Variants in CTSB observed in about 807,000 individuals in gnomAD.
The protein encoded by CTSB is APP secretase.
A neutral mutation model predicts 44.3 loss-of-function variants in CTSB; 57 were observed. The observed-to-expected ratio is 1.29, with a 90% CI of 1.04 to 1.60. The LOEUF (loss-of-function observed/expected upper bound fraction) is 1.60. Among genes scored for constraint, CTSB ranks in the 40% most tolerant of loss-of-function variants. The probability of loss-of-function intolerance (pLI) is 0.00; values close to 1 mark genes in which losing one functional copy is unlikely to be tolerated. For synonymous variants in CTSB, 320 were observed against 168.0 expected (o/e 1.91, Z -7.00); for missense variants, 768 against 443.0 (o/e 1.73, Z -6.59).
Position 11,845,801 on chromosome 8 carries a change from A to G in CTSB, c.794-12T>C, listed in dbSNP as rs2130984042. 1 of 1,608,598 alleles carries G rather than the reference A, an allele frequency of 6.2e-7. No individual in the cohort carries two copies. The highest frequency in any genetic ancestry group is 1.3e-5 in the African/African-American group (1 of 74,926). ...GTGTTGGTACACTCCTGAAAAGGGA[A>G]GAACTGGCTGAGACCGAGACCGGGC... On this transcript the variant is annotated splice_polypyrimidine_tract_variant and intron_variant, in intron 8 of 9. Transcript: ENST00000353047.
chr8:11,859,865 G>C (rs1445761233), intron 1 of CTSB, among the ~76,000 whole-genome samples: 4 of 150,982 alleles, frequency 2.6e-5, no homozygotes, highest in African/African-American at 9.7e-5. Context: ...ACGAGGTCAG[G>C]AGTTCAAGAC....
In CTSB at chr8:11,844,772, C is replaced by G. The variant is rs1803352; in HGVS notation, c.*353G>C. The stretch of plus-strand genomic sequence containing the variant: ...CTGGGGGAACTGATGGGGGAACTTT[C>G]ATCCTGTTAGGAACTCCGCTTTCCA... On this transcript the variant is annotated 3_prime_UTR_variant, in exon 10 of 10. Coordinates refer to ENST00000353047, the MANE Select transcript of CTSB (RefSeq NM_001908.5). 5 of 211,482 alleles carry G rather than the reference C, an allele frequency of 2.4e-5. No individual in the cohort carries two copies. The East Asian group carries it at 4.3e-4, about 18-fold the overall frequency. The allele number at this position is 211,482 out of a possible 1,614,324, so 13.1% of individuals were successfully genotyped here. A position where few individuals can be genotyped will look rare whatever the true frequency, so the allele number is the denominator to read the frequency against.
chr8:11,847,995 C>A (rs571854383), intron 6 of CTSB, 72 bp downstream of exon 6: 4 of 1,414,464 alleles, frequency 2.8e-6, no homozygotes, highest in Admixed American at 3.8e-5. Context: ...TTTATAAAGG[C>A]AAATAAAGCC....
intron 1 of CTSB, among the ~76,000 whole-genome samples, chr8:11,863,345 G>C (rs1816689021): frequency 6.6e-6 from 1 of 151,928 alleles, no homozygotes; most frequent in African/African-American, 2.4e-5. Context: ...TGTAATCCCA[G>C]CTACTCAGGG....
chr8:11,858,925 T>C (rs1815950960), intron 1 of CTSB, among the ~76,000 whole-genome samples: 1 of 152,190 alleles, frequency 6.6e-6, no homozygotes, highest in African/African-American at 2.4e-5. Flanking sequence ...TCTGCTCTGC[T>C]TCTTACAAGA....
chr8:11,849,242 A>AG lies in CTSB; in HGVS notation c.328-79dup, dbSNP rs550842975. 673 of 1,132,106 alleles carry AG rather than the reference A, an allele frequency of 5.9e-4. 6 individuals carry two copies. In the East Asian group the frequency reaches 0.015, roughly 25 times the overall value. 70.1% of individuals were successfully genotyped at this position (1,132,106 alleles called of 1,614,324 possible). ...TGCAGCAGTCCCCTCAAAGGGCCAC[A>AG]GGGGCACCTCAGACCTTGTAGGCAA... On this transcript the variant is annotated intron_variant, in intron 4 of 9. Transcript: ENST00000353047.
Position 11,844,827 on chromosome 8 carries a change from A to G in CTSB, c.*298T>C, listed in dbSNP as rs946887158. The G allele has an allele frequency of 2.5e-4, 89 of 357,886 alleles. No homozygotes were observed. In the East Asian group the frequency reaches 4.0e-3, roughly 16 times the overall value. 22.2% of individuals were successfully genotyped at this position (357,886 alleles called of 1,614,324 possible). A position where few individuals can be genotyped will look rare whatever the true frequency, so the allele number is the denominator to read the frequency against. The stretch of plus-strand genomic sequence containing the variant: ...TGCGTCTCTGTCTTGCTCCCTGGAG[A>G]TGGATGGATCACGGAGGGGGCCACA... On this transcript the variant is annotated 3_prime_UTR_variant, in exon 10 of 10. Transcript: ENST00000353047.
chr8:11,865,240 C>G (rs911064275), intron 1 of CTSB, among the ~76,000 whole-genome samples: 5 of 152,096 alleles, frequency 3.3e-5, no homozygotes, highest in African/African-American at 9.7e-5. Flanking sequence ...TTCCTTAGGC[C>G]AGACCATTGA....
At chr8:11,847,937 G>C in intron 6 of CTSB, 115 bp from the exon 7 acceptor site, 2 of 1,371,830 alleles carry the variant, frequency 1.5e-6, no homozygotes, top group Non-Finnish European at 2.0e-6. Context: ...CCAGAGGCCT[G>C]TGCACCTGGC....
chr8:11,867,394 G>C (rs1174300319), intron 1 of CTSB: 1 of 152,406 alleles, frequency 6.6e-6, no homozygotes, highest in Non-Finnish European at 1.5e-5. Flanking sequence ...TTCTCTTCCT[G>C]TTTATGGATT....
chr8:11,852,654 C>G lies in CTSB; in HGVS notation c.168G>C (p.Lys56Asn). ...NFYNVDMSYL[K>N]RLCGTFLGGP... ...CACCCAGGAAGGTACCACATAGCCT[C>G]TTCAAGTAGCTCATGTCCACGTTGT... is the stretch of plus-strand genomic sequence containing the variant. The change falls in exon 3 of 10, where the codon AAG becomes AAC. Residue 56 changes from lysine to asparagine, a missense_variant. Physicochemically the swap from Lys to Asn is moderately conservative, Grantham distance 94. Transcript: ENST00000353047. 1.9e-6 allele frequency: 3 copies of G among 1,614,102 alleles called. No individual in the cohort carries two copies. Among genetic ancestry groups the G allele is most frequent in the Non-Finnish European group, 2.5e-6 (3 of 1,180,030 alleles).
At chr8:11,858,358 G>C (rs576407012) in intron 1 of CTSB, among the ~76,000 whole-genome samples, 1 of 152,198 alleles carries the variant, frequency 6.6e-6, no homozygotes, top group Non-Finnish European at 1.5e-5. Context: ...GCAGTGGCAC[G>C]ATCATGGCTC....
intron 3 of CTSB, among the ~76,000 whole-genome samples, chr8:11,851,620 C>G (rs2131044018): frequency 6.6e-6 from 1 of 152,288 alleles, no homozygotes; most frequent in South Asian, 2.1e-4. Context: ...CCCTGCTCTC[C>G]TGCCTCAACC....
intron 1 of CTSB, among the ~76,000 whole-genome samples, chr8:11,863,964 G>T (rs142753692): frequency 3.7e-4 from 56 of 152,228 alleles, no homozygotes; most frequent in African/African-American, 1.3e-3. Context: ...GGGAGACACA[G>T]GATATTTATT....
chr8:11,847,434 C>T (rs991157672), intron 7 of CTSB, among the ~76,000 whole-genome samples: 4 of 152,172 alleles, frequency 2.6e-5, no homozygotes, highest in Non-Finnish European at 4.4e-5. Context: ...CACGCCACTC[C>T]CTTGTAAAAG....
intron 3 of CTSB, among the ~76,000 whole-genome samples, chr8:11,851,364 A>C (rs560670159): frequency 6.6e-6 from 1 of 151,700 alleles, no homozygotes; most frequent in Non-Finnish European, 1.5e-5. Flanking sequence ...TAATTTTTGT[A>C]TTTTTAGTAA....
At chr8:11,849,926 A>G (rs978416231) in intron 4 of CTSB, 1 of 152,182 alleles carries the variant, frequency 6.6e-6, no homozygotes, top group Admixed American at 6.5e-5. Context: ...GAAAATAAAT[A>G]CTGTTGTGAT....
intron 9 of CTSB, 98 bp from the exon 10 acceptor site, chr8:11,845,320 A>ACT: frequency 1.1e-6 from 1 of 932,714 alleles, no homozygotes; most frequent in Non-Finnish European, 1.7e-6. Context: ...ATCCCTGGCC[A>ACT]CTCCTGCTGT....
At chr8:11,866,646 G>C (rs892324782) in intron 1 of CTSB, among the ~76,000 whole-genome samples, 5 of 152,154 alleles carry the variant, frequency 3.3e-5, no homozygotes, top group Non-Finnish European at 7.3e-5. Flanking sequence ...GATCACCTGA[G>C]GTCAGGAGGT....
Sources: allele counts gnomAD v4.1 joint callset (sites outside exome capture counted in the v4.1 genomes callset), GRCh38; gene constraint gnomAD v4.1.1; transcripts MANE v1.5; gene names NCBI Gene and HGNC (gene_info 2026-07-23, HGNC 2026-07-21).